The following AGFG2 variants were observed in gnomAD, a reference collection of about 807,000 sequenced individuals.
The protein encoded by AGFG2 is arf-GAP domain and FG repeat-containing protein 2.
AGFG2 carries 31 observed loss-of-function variants against 48.0 expected under a neutral mutation model. The ratio of observed to expected loss-of-function variants is 0.65; its 90% confidence interval spans 0.49 to 0.87. The LOEUF (loss-of-function observed/expected upper bound fraction) is 0.87. Among genes scored for constraint, AGFG2 ranks in the 40% least tolerant of loss-of-function variants. The probability of loss-of-function intolerance (pLI) is 0.00; values close to 1 mark genes in which losing one functional copy is unlikely to be tolerated. For missense variants in AGFG2, 599 were observed against 632.6 expected, an observed-to-expected ratio of 0.95 and a Z score of 0.57; for synonymous variants, 229 against 260.8, an observed-to-expected ratio of 0.88 and a Z score of 1.18.
Position 100,565,043 on chromosome 7 carries a change from C to T in AGFG2, c.*52C>T. On this transcript the variant is annotated 3_prime_UTR_variant, in exon 12 of 12. Coordinates refer to ENST00000300176, the MANE Select transcript of AGFG2 (RefSeq NM_006076.5). The stretch of plus-strand genomic sequence containing the variant: ...CTGCCTTCTGGGGCCCCTCTGCTCC[C>T]TAGAGCTCTGGTGACCACTTGCCTG... 6.4e-7 allele frequency: 1 copy of T among 1,573,660 alleles called. No homozygotes were observed. Among genetic ancestry groups the T allele is most frequent in the Non-Finnish European group, 8.7e-7 (1 of 1,143,108 alleles).
rs1800897850 is a variant in AGFG2 at position 100,562,485 on chromosome 7, C to T, written c.998+106C>T. 3.1e-6 allele frequency: 5 copies of T among 1,599,928 alleles called. No individual in the cohort carries two copies. The Middle Eastern group carries it at 5.0e-4, about 160-fold the overall frequency. On this transcript the variant is annotated intron_variant, in intron 7 of 11. Coordinates refer to ENST00000300176, the MANE Select transcript of AGFG2 (RefSeq NM_006076.5). This position sits in a 1 kb window ranked among gnomAD's most constrained non-coding sequence, Gnocchi z 5.4. ...CATCTCCTGGCAGTTCTCCCCTCCC[C>T]TCCTCTCCCTTACTCACCCTGGAGA...
In AGFG2 at chr7:100,564,280, G is replaced by A. The variant is rs1337974723; in HGVS notation, c.1363G>A (p.Gly455Arg). ...GCAGAGGCCACTGAGCCAGCCAGCTGGGATCTCCACCAACCCCTTCATGGT... is the reference window on the plus strand; with the variant it reads ...GCAGAGGCCACTGAGCCAGCCAGCTAGGATCTCCACCAACCCCTTCATGGT... ...LGQRPLSQPAGISTNPFMTGP... is the reference protein window; with the variant it reads ...LGQRPLSQPARISTNPFMTGP... The change falls in exon 11 of 12, where the codon GGG becomes AGG. Residue 455 changes from glycine (G) to arginine (R), a missense_variant. Physicochemically the swap from Gly to Arg is moderately radical, Grantham distance 125 (BLOSUM62 -2). Transcript: ENST00000300176. 6.2e-7 allele frequency: 1 copy of A among 1,613,836 alleles called. No individual in the cohort carries two copies. The highest frequency in any genetic ancestry group is 2.2e-5 in the East Asian group (1 of 44,876).
intron 6 of AGFG2, among the ~76,000 whole-genome samples, chr7:100,561,251 G>T (rs750456829): frequency 1.3e-5 from 2 of 148,230 alleles, no homozygotes; most frequent in Non-Finnish European, 3.0e-5. Context: ...TTCAGCCTCC[G>T]AAGTAGCTGG....
chr7:100,563,850 G>A lies in AGFG2; in HGVS notation c.1188G>A (p.Met396Ile). ...NGLAPGPGFG[M>I]SSAGPGFPQA... ...ACTCCATAGGGCCCGGCTTTGGGAT[G>A]AGCAGTGCTGGGCCTGGCTTCCCCC... is the stretch of plus-strand genomic sequence containing the variant. The change falls in exon 10 of 12, where the codon ATG (methionine) becomes ATA (isoleucine). Residue 396 changes from methionine to isoleucine, a missense_variant. Physicochemically the swap from Met to Ile is conservative, Grantham distance 10. Coordinates refer to ENST00000300176, the MANE Select transcript of AGFG2 (RefSeq NM_006076.5). The A allele has an allele frequency of 6.2e-7, 1 of 1,611,438 alleles. No homozygotes were observed. Among genetic ancestry groups the A allele is most frequent in the Non-Finnish European group, 8.5e-7 (1 of 1,179,990 alleles).
chr7:100,549,208 G>C (rs1800575012), intron 2 of AGFG2, among the ~76,000 whole-genome samples: 1 of 152,192 alleles, frequency 6.6e-6, no homozygotes, highest in Admixed American at 6.5e-5. Flanking sequence ...TGAGCATTCA[G>C]AGTTGACTGG....
At chr7:100,548,289 T>C (rs1800552855) in intron 1 of AGFG2, among the ~76,000 whole-genome samples, 1 of 149,832 alleles carries the variant, frequency 6.7e-6, no homozygotes, top group South Asian at 2.1e-4. Flanking sequence ...CCTGTCTCTT[T>C]GGAGATTCTT....
chr7:100,547,139 T>C (rs1018973309), intron 1 of AGFG2, among the ~76,000 whole-genome samples: 6 of 152,266 alleles, frequency 3.9e-5, no homozygotes, highest in Middle Eastern at 3.4e-3. Flanking sequence ...CTGTTCACTC[T>C]GTACTGAGTC....
intron 3 of AGFG2, among the ~76,000 whole-genome samples, chr7:100,551,457 G>T (rs1800643068): frequency 6.7e-6 from 1 of 149,470 alleles, no homozygotes; most frequent in Non-Finnish European, 1.5e-5. Flanking sequence ...TGCCTGCCTT[G>T]GCCTCGCAAA....
chr7:100,544,830 A>C (rs983406548), intron 1 of AGFG2, among the ~76,000 whole-genome samples: 1 of 152,176 alleles, frequency 6.6e-6, no homozygotes, highest in African/African-American at 2.4e-5. Flanking sequence ...GCTGGATGCT[A>C]TCAGGAGTCT....
At chr7:100,553,120 T>G (rs1412418532) in intron 3 of AGFG2, among the ~76,000 whole-genome samples, 1 of 151,810 alleles carries the variant, frequency 6.6e-6, no homozygotes, top group Non-Finnish European at 1.5e-5. Context: ...CCCACTGCAC[T>G]CCACCCTGGG....
At chr7:100,551,066 A>ATATATT (rs1562791920) in intron 3 of AGFG2, among the ~76,000 whole-genome samples, 9 of 69,688 alleles carry the variant, frequency 1.3e-4, no homozygotes, top group East Asian at 6.6e-4. Flanking sequence ...ATATATATAT[A>ATATATT]TTTCTTTTTT....
chr7:100,562,391 C>T lies in AGFG2; in HGVS notation c.998+12C>T, dbSNP rs376112925. 6.2e-7 allele frequency: 1 copy of T among 1,613,074 alleles called. No homozygotes were observed. Among genetic ancestry groups the T allele is most frequent in the African/African-American group, 1.3e-5 (1 of 74,928 alleles). On this transcript the variant is annotated intron_variant, in intron 7 of 11. Coordinates refer to ENST00000300176, the MANE Select transcript of AGFG2 (RefSeq NM_006076.5). The surrounding 1 kb of genome is among the most constrained non-coding windows in gnomAD (Gnocchi z 5.4). ...GGTGTTCCTAGCAGGTAGGTACAGA[C>T]AGTGGGCAGTCTGCTGTAGGGCAGG...
rs1800895614 is a variant in AGFG2 at position 100,562,405 on chromosome 7, C to T, written c.998+26C>T. The T allele has an allele frequency of 2.2e-5, 36 of 1,611,622 alleles. No homozygotes were observed. Among genetic ancestry groups the T allele is most frequent in the Non-Finnish European group, 2.9e-5 (34 of 1,178,492 alleles). Reference sequence around the variant, plus strand: ...GTAGGTACAGACAGTGGGCAGTCTGCTGTAGGGCAGGAGAGCCGCCCGAAG... The same window carrying T: ...GTAGGTACAGACAGTGGGCAGTCTGTTGTAGGGCAGGAGAGCCGCCCGAAG... On this transcript the variant is annotated intron_variant, in intron 7 of 11. Transcript: ENST00000300176. This position sits in a 1 kb window ranked among gnomAD's most constrained non-coding sequence, Gnocchi z 5.4.
At chr7:100,551,033 TATA>T (rs1800622735) in intron 3 of AGFG2, among the ~76,000 whole-genome samples, 10 of 38,190 alleles carry the variant, frequency 2.6e-4, no homozygotes, top group Admixed American at 6.3e-4. Context: ...GGCTAATTTA[TATA>T]TATATATATA....
At chr7:100,547,133 T>G (rs1057053050) in intron 1 of AGFG2, among the ~76,000 whole-genome samples, 4 of 152,088 alleles carry the variant, frequency 2.6e-5, no homozygotes, top group African/African-American at 9.7e-5. Context: ...CCCTTACTGT[T>G]CACTCTGTAC....
intron 6 of AGFG2, chr7:100,556,016 T>C: frequency 3.1e-6 from 1 of 318,342 alleles, no homozygotes; most frequent in Non-Finnish European, 6.0e-6. Flanking sequence ...ATGGAAGACC[T>C]GAGTCCTAGA....
In AGFG2 at chr7:100,555,653, T is replaced by C. The variant is rs1041235745; in HGVS notation, c.795T>C (p.Phe265=). The C allele has an allele frequency of 6.2e-7, 1 of 1,614,012 alleles. No homozygotes were observed. The highest frequency in any genetic ancestry group is 8.5e-7 in the Non-Finnish European group (1 of 1,179,988). ...SQGGFANFDA[F]SSGPSSSVFG... Reference sequence around the variant, plus strand: ...GAGGCTTTGCCAACTTTGATGCCTTTAGCAGTGGCCCCAGCTCTTCTGTGT... The same window carrying C: ...GAGGCTTTGCCAACTTTGATGCCTTCAGCAGTGGCCCCAGCTCTTCTGTGT... The change falls in exon 6 of 12, where the codon TTT becomes TTC. Residue 265 remains phenylalanine (F), a synonymous_variant. Transcript: ENST00000300176.
intron 3 of AGFG2, among the ~76,000 whole-genome samples, chr7:100,551,075 T>A (rs1331024036): frequency 4.8e-5 from 6 of 124,604 alleles, no homozygotes; most frequent in African/African-American, 1.6e-4. Flanking sequence ...TATTTCTTTT[T>A]TTTTTTTTTT....
chr7:100,540,899 C>T lies in AGFG2; in HGVS notation c.221+1332C>T, dbSNP rs563561903. 3.3e-5 allele frequency among the ~76,000 whole-genome samples: 5 copies of T among 150,740 alleles called. No individual in the cohort carries two copies. The South Asian group carries it at 6.3e-4, about 19-fold the overall frequency. ...TGGTGGCGCGCACCTGTACTCCCAG[C>T]TACTTGGGAGGCTGAGGCAGGAGAA... On this transcript the variant is annotated intron_variant, in intron 1 of 11. Transcript: ENST00000300176.
Sources: allele counts gnomAD v4.1 joint callset (sites outside exome capture counted in the v4.1 genomes callset), GRCh38; gene constraint gnomAD v4.1.1; non-coding constraint Gnocchi (gnomAD v3.1); transcripts MANE v1.5; gene names NCBI Gene and HGNC (gene_info 2026-07-23, HGNC 2026-07-21).